Variants in TCN2 observed in about 807,000 individuals in gnomAD.
The protein encoded by TCN2 is transcobalamin-2.
In TCN2, 34 loss-of-function variants were observed where a neutral mutation model predicts 48.6. The observed-to-expected ratio is 0.70, with a 90% CI of 0.53 to 0.93. The LOEUF (loss-of-function observed/expected upper bound fraction) is 0.93, where lower values mean the gene tolerates loss of function less well. Among genes scored for constraint, TCN2 ranks in the 40% least tolerant of loss-of-function variants. The pLI is 0.00. For missense variants in TCN2, 652 were observed against 526.1 expected, an observed-to-expected ratio of 1.24 and a Z score of -2.34; for synonymous variants, 283 against 212.5, an observed-to-expected ratio of 1.33 and a Z score of -2.89.
rs766558182 is a variant in TCN2, at chr22:30,615,307, C to A, written c.587C>A (p.Ala196Glu). The change falls in exon 5 of 9, where the codon GCA becomes GAA. Residue 196 changes from alanine to glutamate, a missense_variant. By Grantham distance (107) the Ala-to-Glu change is moderately radical. Coordinates refer to ENST00000215838, the MANE Select transcript of TCN2 (RefSeq NM_000355.4). ...TTCTGTCCCCCACTTCAAGACACAGCAGCCATGGCAGGCTTGGCATTCACC... is the reference window on the plus strand; with the variant it reads ...TTCTGTCCCCCACTTCAAGACACAGAAGCCATGGCAGGCTTGGCATTCACC... ...FHQGHHSVDT[A>E]AMAGLAFTCL... is the part of the protein sequence containing the mutation. 2 of 1,614,108 alleles carry A rather than the reference C, an allele frequency of 1.2e-6. No homozygotes were observed. Among genetic ancestry groups the A allele is most frequent in the African/African-American group, 2.7e-5 (2 of 74,946 alleles).
At chr22:30,611,303 T>C (rs571355160) in intron 2 of TCN2, among the ~76,000 whole-genome samples, 45 of 152,250 alleles carry the variant, frequency 3.0e-4, no homozygotes, top group Non-Finnish European at 4.9e-4. Flanking sequence ...CAGACATAAC[T>C]AATCCGTGAC....
In TCN2 at chr22:30,624,783, C is replaced by T. The variant is rs193228508; in HGVS notation, c.1223-1677C>T. On this transcript the variant is annotated intron_variant, in intron 8 of 8. Coordinates refer to ENST00000215838, the MANE Select transcript of TCN2 (RefSeq NM_000355.4). Reference sequence around the variant, plus strand: ...GGCTACACATGCCTAGTTTATTCTTCCCAAATCAACCAGTTGCATAAATCA... The same window carrying T: ...GGCTACACATGCCTAGTTTATTCTTTCCAAATCAACCAGTTGCATAAATCA... 3.1e-3 allele frequency among the ~76,000 whole-genome samples: 471 copies of T among 152,294 alleles called. 2 individuals carry two copies. The highest frequency in any genetic ancestry group is 0.02 in the Middle Eastern group (6 of 294).
intron 8 of TCN2, 94 bp downstream of exon 8, chr22:30,623,177 C>T (rs1232023583): frequency 3.3e-6 from 4 of 1,209,676 alleles, no homozygotes; most frequent in Admixed American, 1.8e-5. Context: ...CCCTAGCACC[C>T]TCCTGGGCCA....
At position 30,626,612 on chromosome 22, in the gene TCN2, C is replaced by A; in HGVS notation, c.*91C>A. On this transcript the variant is annotated 3_prime_UTR_variant, in exon 9 of 9. Transcript: ENST00000215838. ...CCCTGGAACAGGAACTCGCCTGACC[C>A]TGCTGCCACCTCCTGTGCACTTTGA... The A allele has an allele frequency of 7.2e-7, 1 of 1,394,246 alleles. No individual in the cohort carries two copies. Among genetic ancestry groups the A allele is most frequent in the South Asian group, 1.2e-5 (1 of 84,668 alleles). The allele number at this position is 1,394,246 out of a possible 1,614,324, so 86.4% of individuals were successfully genotyped here.
chr22:30,615,572 C>CT, intron 5 of TCN2, 29 bp from the exon 6 acceptor site: 4 of 1,613,812 alleles, frequency 2.5e-6, no homozygotes, highest in Non-Finnish European at 3.4e-6. Context: ...CGGCTGACTT[C>CT]CTCTCTCTCT....
rs770294405 is a variant in TCN2 at position 30,613,018 on chromosome 22, C to T, written c.403C>T (p.Leu135=). The part of the protein sequence containing the change: ...DRLVSQLKWF[L]EDEKRAIGHD... ...GCTGGTCTCACAGCTCAAATGGTTC[C>T]TGGAGGATGAGAAGAGAGCCATTGG... Residue 135 remains leucine, a synonymous_variant, in exon 3 of 9, where the codon CTG becomes TTG. Coordinates refer to ENST00000215838, the MANE Select transcript of TCN2 (RefSeq NM_000355.4). The T allele has an allele frequency of 6.2e-7, 1 of 1,614,070 alleles. No homozygotes were observed. Among genetic ancestry groups the T allele is most frequent in the Non-Finnish European group, 8.5e-7 (1 of 1,180,004 alleles).
intron 7 of TCN2, among the ~76,000 whole-genome samples, chr22:30,621,138 G>A (rs1339594359): frequency 6.6e-6 from 1 of 151,930 alleles, no homozygotes; most frequent in Non-Finnish European, 1.5e-5. Context: ...GATTACAGGG[G>A]CCCACCATCA....
intron 3 of TCN2, among the ~76,000 whole-genome samples, chr22:30,613,892 C>CA (rs1344712213): frequency 6.6e-6 from 1 of 152,198 alleles, no homozygotes; most frequent in African/African-American, 2.4e-5. Context: ...GCCATACCAT[C>CA]TCTCAACTCA....
At chr22:30,625,778 C>T (rs1474247764) in intron 8 of TCN2, among the ~76,000 whole-genome samples, 1 of 152,144 alleles carries the variant, frequency 6.6e-6, no homozygotes, top group Non-Finnish European at 1.5e-5. Flanking sequence ...ATGGCACTTT[C>T]CTATCCCATT....
intron 8 of TCN2, chr22:30,623,293 T>C: frequency 2.1e-6 from 1 of 477,498 alleles, no homozygotes; most frequent in Non-Finnish European, 3.7e-6. Context: ...ACCAGACAGA[T>C]TACAAAAAAA....
intron 3 of TCN2, among the ~76,000 whole-genome samples, chr22:30,614,005 G>A (rs781731897): frequency 2.5e-4 from 38 of 152,122 alleles, no homozygotes; most frequent in Admixed American, 9.2e-4. Flanking sequence ...ATCCTCAGCC[G>A]TCTCCAGCAT....
rs368792336 is a variant in TCN2 at position 30,614,465 on chromosome 22, G to A, written c.544G>A (p.Ala182Thr). The A allele has an allele frequency of 2.5e-6, 4 of 1,614,074 alleles. No homozygotes were observed. In the African/African-American group the frequency reaches 5.3e-5, roughly 22 times the overall value. ...HDSVVDKLLY[A>T]VEPFHQGHHS... ...CAGCGTGGTGGACAAACTTCTGTATGCTGTGGAACCTTTCCACCAGGGCCA... is the reference window on the plus strand; with the variant it reads ...CAGCGTGGTGGACAAACTTCTGTATACTGTGGAACCTTTCCACCAGGGCCA... Residue 182 changes from alanine (A) to threonine (T), a missense_variant, in exon 4 of 9, where the codon GCT becomes ACT. Coordinates refer to ENST00000215838, the MANE Select transcript of TCN2 (RefSeq NM_000355.4).
At chr22:30,617,659 A>C (rs1023684697) in intron 7 of TCN2, 164 bp downstream of exon 7, 15 of 953,202 alleles carry the variant, frequency 1.6e-5, no homozygotes, top group Non-Finnish European at 2.4e-5. Flanking sequence ...GTGTTATGGA[A>C]ACAGGGAGCC....
intron 8 of TCN2, among the ~76,000 whole-genome samples, chr22:30,624,884 C>G (rs1338508097): frequency 1.3e-5 from 2 of 152,194 alleles, no homozygotes; most frequent in African/African-American, 4.8e-5. Context: ...TCCATTGAAG[C>G]TGCTATTACA....
Position 30,617,406 on chromosome 22 carries a change from C to T in TCN2, c.1017C>T (p.Leu339=), listed in dbSNP as rs35997415. Residue 339 remains leucine (L), a synonymous_variant, in exon 7 of 9, where the codon CTC becomes CTT. Transcript: ENST00000215838. ...IISVTLQVLS[L]LPPYRQSISV... is the part of the protein sequence containing the mutation. ...GTGTCACGCTGCAGGTGCTTAGTCT[C>T]TTGCCGCCGTACAGACAGTCCATCT... 2.5e-6 allele frequency: 4 copies of T among 1,614,052 alleles called. No individual in the cohort carries two copies. The highest frequency in any genetic ancestry group is 1.1e-5 in the South Asian group (1 of 91,090).
At position 30,612,868 on chromosome 22, in the gene TCN2, C is replaced by T. The variant is rs987559483; in HGVS notation, c.258-5C>T. 2.5e-6 allele frequency: 4 copies of T among 1,613,104 alleles called. No individual in the cohort carries two copies. In the African/African-American group the frequency reaches 4.0e-5, roughly 16 times the overall value. On this transcript the variant is annotated splice_region_variant and splice_polypyrimidine_tract_variant and intron_variant, in intron 2 of 8. Coordinates refer to ENST00000215838, the MANE Select transcript of TCN2 (RefSeq NM_000355.4). ...TCACAAAGGCATTAACTGGCCTTGT[C>T]CTAGGTCTGCCTTCAGCGAGGATGA...
rs1228723748 is a variant in TCN2 at position 30,623,789 on chromosome 22, CAT to C, written c.1222+712_1222+713del. On this transcript the variant is annotated intron_variant, in intron 8 of 8. Coordinates refer to ENST00000215838, the MANE Select transcript of TCN2 (RefSeq NM_000355.4). ...ATATATACACACATATATATGTATA[CAT>C]ATATACACACATACACATATATACA... Among the ~76,000 whole-genome samples the C allele has an allele frequency of 7.1e-4, 4 of 5,652 alleles. 2 individuals carry two copies. The highest frequency in any genetic ancestry group is 6.4e-3 in the African/African-American group (4 of 622). The allele number at this position is 5,652 out of a possible 152,430, so 3.7% of individuals were successfully genotyped here.
intron 7 of TCN2, among the ~76,000 whole-genome samples, chr22:30,621,908 C>T (rs2087706022): frequency 6.6e-6 from 1 of 152,260 alleles, no homozygotes. Context: ...CCACTCATCT[C>T]TTGAAGCCCT....
chr22:30,615,574 T>G (rs755082525), intron 5 of TCN2, 27 bp from the exon 6 acceptor site: 7 of 1,613,044 alleles, frequency 4.3e-6, no homozygotes, highest in Non-Finnish European at 5.9e-6. Flanking sequence ...GCTGACTTCC[T>G]CTCTCTCTTC....
Sources: allele counts gnomAD v4.1 joint callset (sites outside exome capture counted in the v4.1 genomes callset), GRCh38; gene constraint gnomAD v4.1.1; transcripts MANE v1.5; gene names NCBI Gene and HGNC (gene_info 2026-07-23, HGNC 2026-07-21).